Variants in SPPL2B observed in about 807,000 individuals in gnomAD.
The protein encoded by SPPL2B is signal peptide peptidase like 2B.
A neutral mutation model predicts 59.7 loss-of-function variants in SPPL2B; 39 were observed. The observed-to-expected ratio is 0.65, with a 90% CI of 0.51 to 0.85. SPPL2B has a LOEUF of 0.85. Among genes scored for constraint, SPPL2B ranks in the 40% least tolerant of loss-of-function variants. SPPL2B has a pLI of 0.00. For synonymous variants in SPPL2B, 419 were observed against 370.8 expected (o/e 1.13, Z -1.49); for missense variants, 865 against 849.0 (o/e 1.02, Z -0.23).
chr19:2,339,997 G>A (rs755677607), intron 6 of SPPL2B, 31 bp downstream of exon 6: 22 of 1,553,434 alleles, frequency 1.4e-5, no homozygotes, highest in Middle Eastern at 3.3e-4. Flanking sequence ...GGGCCGCGGC[G>A]TGGAGATGCA....
At chr19:2,344,685 C>G in intron 12 of SPPL2B, 33 bp downstream of exon 12, 1 of 1,431,716 alleles carries the variant, frequency 7.0e-7, no homozygotes, top group Non-Finnish European at 9.8e-7. Context: ...CGGGTCCACG[C>G]TGTGGGGCAG....
In SPPL2B at chr19:2,343,919, A is replaced by G. The variant is rs1568443554; in HGVS notation, c.1039-46A>G. ...GGGCCTCATGAGATGGGAGTGGGGG[A>G]GGCACGGGCCGGGGTGGGGGCCGCC... On this transcript the variant is annotated intron_variant, in intron 9 of 14. Transcript: ENST00000613503. The G allele has an allele frequency of 2.1e-6, 3 of 1,420,858 alleles. No individual in the cohort carries two copies. The Admixed American group carries it at 5.9e-5, about 28-fold the overall frequency. 88.0% of individuals were successfully genotyped at this position (1,420,858 alleles called of 1,614,324 possible). A position where few individuals can be genotyped will look rare whatever the true frequency, so the allele number is the denominator to read the frequency against.
Position 2,338,835 on chromosome 19 carries a change from C to T in SPPL2B, c.453C>T (p.Ile151=). The part of the protein sequence containing the change: ...ALLSYKDMLD[I]FTRFGRTVRA... ...TCAGCTACAAAGACATGCTGGACATCTTCACGGTAGGTCTGCGCCGGCTCA... is the reference window on the plus strand; with the variant it reads ...TCAGCTACAAAGACATGCTGGACATTTTCACGGTAGGTCTGCGCCGGCTCA... The change falls in exon 4 of 15, where the codon ATC becomes ATT. Residue 151 remains isoleucine (I), a synonymous_variant. Coordinates refer to ENST00000613503, the MANE Select transcript of SPPL2B (RefSeq NM_152988.3). 2 of 1,613,270 alleles carry T rather than the reference C, an allele frequency of 1.2e-6. No individual in the cohort carries two copies. The highest frequency in any genetic ancestry group is 1.7e-6 in the Non-Finnish European group (2 of 1,179,472).
chr19:2,352,855 G>T (rs189234156), intron 14 of SPPL2B, 91 bp from the exon 15 acceptor site: 2 of 1,432,354 alleles, frequency 1.4e-6, no homozygotes, highest in Non-Finnish European at 1.9e-6. Context: ...CCCTGCCCCC[G>T]TGGCCTGCGG....
intron 7 of SPPL2B, chr19:2,340,585 A>G: frequency 3.7e-6 from 2 of 539,182 alleles, no homozygotes; most frequent in Non-Finnish European, 3.4e-6. Context: ...CCAGGGGGAG[A>G]CCTTTTTGTG....
chr19:2,347,120 TCC>T (rs1182251057), intron 13 of SPPL2B, among the ~76,000 whole-genome samples: 2 of 151,448 alleles, frequency 1.3e-5, no homozygotes, highest in South Asian at 2.1e-4. Context: ...CCGTTCTCTC[TCC>T]CTCCACACAC....
intron 2 of SPPL2B, among the ~76,000 whole-genome samples, chr19:2,336,798 T>C (rs890813781): frequency 3.4e-5 from 5 of 147,268 alleles, no homozygotes; most frequent in African/African-American, 1.3e-4. Flanking sequence ...TGTGGGTGTG[T>C]GTGTGTGTGC....
At chr19:2,351,711 G>T (rs893607864) in intron 14 of SPPL2B, 117 bp downstream of exon 14, 3 of 1,387,060 alleles carry the variant, frequency 2.2e-6, no homozygotes, top group East Asian at 4.7e-5. Flanking sequence ...GGGGCTCAGG[G>T]TCCTGGTACC....
intron 13 of SPPL2B, 107 bp from the exon 14 acceptor site, chr19:2,351,327 G>A (rs747060698): frequency 9.7e-5 from 86 of 883,766 alleles, no homozygotes; most frequent in African/African-American, 8.3e-4. Context: ...TCCCGTCCTC[G>A]CACACCCCTG....
chr19:2,347,134 C>CT (rs1438395131), intron 13 of SPPL2B, among the ~76,000 whole-genome samples: 4 of 151,142 alleles, frequency 2.6e-5, no homozygotes, highest in Non-Finnish European at 5.9e-5. Context: ...TCCACACACA[C>CT]TTACGCGCTC....
intron 13 of SPPL2B, among the ~76,000 whole-genome samples, chr19:2,347,335 GC>G: frequency 1.5e-5 from 1 of 68,202 alleles, no homozygotes; most frequent in Non-Finnish European, 2.9e-5. Context: ...GCTCTCATTC[GC>G]CTGATTCCGT....
At chr19:2,352,661 AG>A (rs1969990971) in intron 14 of SPPL2B, among the ~76,000 whole-genome samples, 1 of 152,088 alleles carries the variant, frequency 6.6e-6, no homozygotes, top group African/African-American at 2.4e-5. Flanking sequence ...GACCAGGCCC[AG>A]GGGCGAGAGA....
intron 13 of SPPL2B, among the ~76,000 whole-genome samples, chr19:2,346,775 C>T (rs1330972968): frequency 2.0e-5 from 3 of 152,190 alleles, no homozygotes; most frequent in African/African-American, 7.2e-5. Context: ...AGACTGAAGC[C>T]GCTGAGGCTT....
At position 2,353,482 on chromosome 19, in the gene SPPL2B, G is replaced by A. The variant is rs1024433209; in HGVS notation, c.*273G>A. The A allele has an allele frequency of 2.0e-5, 10 of 500,654 alleles. No homozygotes were observed. The highest frequency in any genetic ancestry group is 3.8e-5 in the Admixed American group (1 of 26,104). 31.0% of individuals were successfully genotyped at this position (500,654 alleles called of 1,614,324 possible). A position where few individuals can be genotyped will look rare whatever the true frequency, so the allele number is the denominator to read the frequency against. ...ATCCTCCCCACCGGGGTCCGTCCTC[G>A]CAGGCCCTGCCCGGCCTCTCTGCAG... On this transcript the variant is annotated 3_prime_UTR_variant, in exon 15 of 15. Coordinates refer to ENST00000613503, the MANE Select transcript of SPPL2B (RefSeq NM_152988.3).
rs771503508 is a variant in SPPL2B, at chr19:2,339,083, G to A, written c.474G>A (p.Thr158=). ...CCTTGAGGCAGCGTTTCGGCCGCACGGTGAGGGCGGCGCTGTATGCGCCTA... is the reference window on the plus strand; with the variant it reads ...CCTTGAGGCAGCGTTTCGGCCGCACAGTGAGGGCGGCGCTGTATGCGCCTA... ...MLDIFTRFGR[T]VRAALYAPKE... Residue 158 remains threonine (T), a synonymous_variant, in exon 5 of 15, where the codon ACG becomes ACA. Transcript: ENST00000613503. The A allele has an allele frequency of 3.1e-5, 49 of 1,561,680 alleles. No homozygotes were observed. Among genetic ancestry groups the A allele is most frequent in the Non-Finnish European group, 3.9e-5 (45 of 1,153,236 alleles).
At chr19:2,329,729 C>G (rs1968181188) in intron 1 of SPPL2B, among the ~76,000 whole-genome samples, 1 of 152,214 alleles carries the variant, frequency 6.6e-6, no homozygotes, top group Non-Finnish European at 1.5e-5. Context: ...CATCCCCAGT[C>G]CATCCTCGAC....
chr19:2,339,663 T>G (rs1968892680), intron 5 of SPPL2B, 161 bp from the exon 6 acceptor site: 1 of 779,614 alleles, frequency 1.3e-6, no homozygotes, highest in African/African-American at 1.7e-5. Flanking sequence ...TGGTCTCCTC[T>G]GCCCTGGGGA....
intron 1 of SPPL2B, among the ~76,000 whole-genome samples, chr19:2,333,353 C>T (rs1192400023): frequency 5.3e-5 from 8 of 150,994 alleles, no homozygotes; most frequent in East Asian, 3.9e-4. Context: ...ATGGCAGGTG[C>T]GGGCGGCTGG....
At position 2,343,269 on chromosome 19, in the gene SPPL2B, A is replaced by C; in HGVS notation, c.1015A>C (p.Thr339Pro). ...GIAFCLYMLK[T>P]IRLPTFKACT... ...CGCCTTCTGCCTCTACATGCTGAAG[A>C]CCATCCGTCTGCCCACCTTCAAGGT... is the stretch of plus-strand genomic sequence containing the variant. The change falls in exon 9 of 15, where the codon ACC becomes CCC. Residue 339 changes from threonine to proline, a missense_variant. Coordinates refer to ENST00000613503, the MANE Select transcript of SPPL2B (RefSeq NM_152988.3). The C allele has an allele frequency of 6.4e-7, 1 of 1,554,752 alleles. No homozygotes were observed. The highest frequency in any genetic ancestry group is 1.2e-5 in the South Asian group (1 of 84,378).
Sources: allele counts gnomAD v4.1 joint callset (sites outside exome capture counted in the v4.1 genomes callset), GRCh38; gene constraint gnomAD v4.1.1; transcripts MANE v1.5; gene names NCBI Gene and HGNC (gene_info 2026-07-23, HGNC 2026-07-21).